SYNE1: variants seen among roughly 807,000 people sequenced by gnomAD.
The protein encoded by SYNE1 is nesprin-1.
A neutral mutation model predicts 1,111.0 loss-of-function variants in SYNE1; 616 were observed. That is an observed-to-expected ratio of 0.55 (90% confidence interval 0.52 to 0.59). The LOEUF (loss-of-function observed/expected upper bound fraction) is 0.59. SYNE1 is among the 20% of genes least tolerant of loss of function. SYNE1 has a pLI of 0.00. For missense variants in SYNE1, 10,006 were observed against 10,417.0 expected, an observed-to-expected ratio of 0.96 and a Z score of 1.72; for synonymous variants, 3,855 against 3,825.8, an observed-to-expected ratio of 1.01 and a Z score of -0.28.
chr6:152,334,100 C>T lies in SYNE1; in HGVS notation c.12702G>A (p.Glu4234=), dbSNP rs1590301729. ...GGTAATCTCTTGTTCTCTGAAGATCCTCTTCCCTTTGCAAGCACAGGTTGT... is the reference window on the plus strand; with the variant it reads ...GGTAATCTCTTGTTCTCTGAAGATCTTCTTCCCTTTGCAAGCACAGGTTGT... The part of the protein sequence containing the change: ...QSNNLCLQRE[E]DLQRTRDYHD... Residue 4234 remains glutamate, a synonymous_variant, in exon 77 of 146, where the codon GAG becomes GAA. Coordinates refer to ENST00000367255, the MANE Select transcript of SYNE1 (RefSeq NM_182961.4). 4 of 1,614,136 alleles carry T rather than the reference C, an allele frequency of 2.5e-6. No homozygotes were observed. The South Asian group carries it at 3.3e-5, about 13-fold the overall frequency.
At chr6:152,220,723 G>T in intron 119 of SYNE1, 119 bp downstream of exon 119, 1 of 932,606 alleles carries the variant, frequency 1.1e-6, no homozygotes, top group Non-Finnish European at 1.8e-6. Context: ...TCCTAAGACA[G>T]TTATTTTTGG....
At chr6:152,623,740 A>G (rs1340988389) in intron 3 of SYNE1, among the ~76,000 whole-genome samples, 1 of 152,132 alleles carries the variant, frequency 6.6e-6, no homozygotes, top group Non-Finnish European at 1.5e-5. Flanking sequence ...AAGAAGATAT[A>G]CATGCGGCCA....
Position 152,122,370 on chromosome 6 carries a change from T to C in SYNE1, c.*66A>G, listed in dbSNP as rs1258976506. Reference sequence around the variant, plus strand: ...AGATCAAGGTCCTCTTGTTGGTAGTTTGGGATTGCTTATGACCCGATCCTC... The same window carrying C: ...AGATCAAGGTCCTCTTGTTGGTAGTCTGGGATTGCTTATGACCCGATCCTC... On this transcript the variant is annotated 3_prime_UTR_variant, in exon 146 of 146. Transcript: ENST00000367255. 1 of 1,612,364 alleles carries C rather than the reference T, an allele frequency of 6.2e-7. No individual in the cohort carries two copies. The highest frequency in any genetic ancestry group is 8.5e-7 in the Non-Finnish European group (1 of 1,179,800).
chr6:152,405,226 C>CATCT (rs1480510875), intron 45 of SYNE1, among the ~76,000 whole-genome samples: 1 of 152,202 alleles, frequency 6.6e-6, no homozygotes, highest in Non-Finnish European at 1.5e-5. Context: ...ATAAAGAACC[C>CATCT]ATCTCTGTGA....
chr6:152,175,789 A>G (rs1436326438), intron 130 of SYNE1, among the ~76,000 whole-genome samples: 1 of 152,134 alleles, frequency 6.6e-6, no homozygotes, highest in Admixed American at 6.5e-5. Context: ...ATACCCTCAT[A>G]TATTTTTCTT....
At chr6:152,251,651 T>C (rs998588437) in intron 104 of SYNE1, among the ~76,000 whole-genome samples, 1 of 150,638 alleles carries the variant, frequency 6.6e-6, no homozygotes, top group African/African-American at 2.4e-5. Flanking sequence ...CCCAGCTACT[T>C]GGGAGGCTGA....
intron 76 of SYNE1, chr6:152,335,823 G>A (rs1342572629): frequency 6.6e-6 from 1 of 151,962 alleles, no homozygotes; most frequent in Non-Finnish European, 1.5e-5. Flanking sequence ...CCAAGTAGCT[G>A]AGATTATAGG....
intron 126 of SYNE1, 26 bp from the exon 127 acceptor site, chr6:152,201,975 C>T (rs1208277508): frequency 1.2e-6 from 2 of 1,612,556 alleles, no homozygotes; most frequent in Admixed American, 3.3e-5. Context: ...AAACAAATAG[C>T]ATAGATGTTT....
rs9478314 is a variant in SYNE1, at chr6:152,331,902, T to C, written c.12795-12A>G. 0.46 allele frequency: 735,724 copies of C among 1,608,436 alleles called. 172,398 individuals carry two copies. Among genetic ancestry groups the C allele is most frequent in the Admixed American group, 0.64 (38,512 of 60,008 alleles). On this transcript the variant is annotated splice_polypyrimidine_tract_variant and intron_variant, in intron 77 of 145. Transcript: ENST00000367255. ...TCTCTGCATCAGATCTGAAAATACA[T>C]GGAAAGGTATAAGAGCAAATTAGCT... is the stretch of plus-strand genomic sequence containing the variant.
chr6:152,460,406 A>C (rs2098724472), intron 21 of SYNE1, among the ~76,000 whole-genome samples: 1 of 152,160 alleles, frequency 6.6e-6, no homozygotes, highest in Non-Finnish European at 1.5e-5. Flanking sequence ...TTTTATGGTC[A>C]TGATTTTTCC....
intron 106 of SYNE1, among the ~76,000 whole-genome samples, chr6:152,243,164 G>A (rs908789982): frequency 6.6e-6 from 1 of 152,214 alleles, no homozygotes; most frequent in African/African-American, 2.4e-5. Flanking sequence ...CCATGTGGCT[G>A]AGGGACATGT....
intron 32 of SYNE1, among the ~76,000 whole-genome samples, chr6:152,440,692 C>T (rs1430295980): frequency 6.6e-6 from 1 of 151,518 alleles, no homozygotes; most frequent in African/African-American, 2.4e-5. Flanking sequence ...CTCAGCCTCC[C>T]GAGTAGCTGG....
At chr6:152,367,025 G>A (rs766458437) in intron 62 of SYNE1, 193 bp downstream of exon 62, 3 of 742,676 alleles carry the variant, frequency 4.0e-6, no homozygotes, top group Non-Finnish European at 7.3e-6. Context: ...TTATTTTTTG[G>A]AAAACATCCG....
chr6:152,369,493 C>G lies in SYNE1; in HGVS notation c.9629G>C (p.Arg3210Thr). 6.2e-7 allele frequency: 1 copy of G among 1,614,154 alleles called. No individual in the cohort carries two copies. Among genetic ancestry groups the G allele is most frequent in the Non-Finnish European group, 8.5e-7 (1 of 1,180,038 alleles). The change falls in exon 60 of 146, where the codon AGG (arginine) becomes ACG (threonine). Residue 3210 changes from arginine to threonine, a missense_variant. Physicochemically the swap from Arg to Thr is moderately conservative, Grantham distance 71 (BLOSUM62 -1). Transcript: ENST00000367255. Reference sequence around the variant, plus strand: ...CACCTGGAGCTTCTGCTGCTCCCTCCTCTTTGCTGGCAGATCATAGAGGCG... The same window carrying G: ...CACCTGGAGCTTCTGCTGCTCCCTCGTCTTTGCTGGCAGATCATAGAGGCG... ...SNRLYDLPAK[R>T]REQQKLQSVL...
intron 135 of SYNE1, among the ~76,000 whole-genome samples, chr6:152,150,517 G>C (rs2060225988): frequency 6.6e-6 from 1 of 152,154 alleles, no homozygotes; most frequent in Non-Finnish European, 1.5e-5. Context: ...AGGGTTTACT[G>C]TTTCTTCCAT....
intron 126 of SYNE1, among the ~76,000 whole-genome samples, chr6:152,202,775 TA>T (rs915978437): frequency 6.0e-4 from 89 of 148,756 alleles, no homozygotes; most frequent in African/African-American, 2.0e-3. Context: ...ATAAGGGATT[TA>T]AAAAAAAAAG....
At chr6:152,312,279 G>C (rs923768914) in intron 87 of SYNE1, among the ~76,000 whole-genome samples, 4 of 146,816 alleles carry the variant, frequency 2.7e-5, no homozygotes, top group Admixed American at 1.4e-4. Context: ...GCGTGATCTC[G>C]GCTCACTGCA....
At chr6:152,146,802 A>G (rs1476748692) in intron 137 of SYNE1, 1 of 152,172 alleles carries the variant, frequency 6.6e-6, no homozygotes, top group Non-Finnish European at 1.5e-5. Flanking sequence ...CCTTCACTGC[A>G]TGTGTGGCTT....
chr6:152,268,849 A>C (rs1309427915), intron 99 of SYNE1, among the ~76,000 whole-genome samples: 1 of 152,226 alleles, frequency 6.6e-6, no homozygotes, highest in Non-Finnish European at 1.5e-5. Flanking sequence ...TATTAAAATT[A>C]AATAGATTCA....
Sources: gnomAD v4.1 joint callset for allele counts (sites outside exome capture counted in the v4.1 genomes callset) on GRCh38, gnomAD v4.1.1 for gene constraint, MANE v1.5 for transcripts, NCBI Gene and HGNC (gene_info 2026-07-23, HGNC 2026-07-21) for gene names.